The following TOM1L2 variants were observed in gnomAD, a reference collection of about 807,000 sequenced individuals.
TOM1L2 encodes target of myb1 like 2 membrane trafficking protein.
TOM1L2 carries 31 observed loss-of-function variants against 67.9 expected under a neutral mutation model. The ratio of observed to expected loss-of-function variants is 0.46; its 90% CI spans 0.34 to 0.62. The LOEUF (loss-of-function observed/expected upper bound fraction) is 0.62, where lower values mean the gene tolerates loss of function less well. TOM1L2 is among the 20% of genes least tolerant of loss of function. The pLI is 0.01. For synonymous variants in TOM1L2, 256 were observed against 254.0 expected (o/e 1.01, Z -0.07); for missense variants, 606 against 663.5 (o/e 0.91, Z 0.95).
Position 17,912,334 on chromosome 17 carries a change from T to TCCTCCGCC in TOM1L2, c.53-4804_53-4803insGGCGGAGG, listed in dbSNP as rs2039409393. Among the ~76,000 whole-genome samples, 7 of 150,816 alleles carry TCCTCCGCC rather than the reference T, an allele frequency of 4.6e-5. No individual in the cohort carries two copies. The South Asian group carries it at 1.5e-3, about 32-fold the overall frequency. ...CGGGGTGGCTGCCGGGCGGAGACGCTCCTCACTTCCCAGACGGGGTGGCTG... is the reference window on the plus strand; with the variant it reads ...CGGGGTGGCTGCCGGGCGGAGACGCTCCTCCGCCCCTCACTTCCCAGACGGGGTGGCTG... On this transcript the variant is annotated intron_variant, in intron 1 of 14. Transcript: ENST00000379504.
chr17:17,971,303 C>T (rs748695672), intron 1 of TOM1L2, among the ~76,000 whole-genome samples: 1 of 152,100 alleles, frequency 6.6e-6, no homozygotes, highest in Non-Finnish European at 1.5e-5. Context: ...AACTTCAAAC[C>T]AGAAAGGGCA....
chr17:17,935,504 G>A (rs963448211), intron 1 of TOM1L2, among the ~76,000 whole-genome samples: 1 of 152,186 alleles, frequency 6.6e-6, no homozygotes. Context: ...TAGACCTTGA[G>A]CTTGCCGAGC....
Position 17,866,547 on chromosome 17 carries a change from G to A in TOM1L2, c.961-128C>T. The A allele has an allele frequency of 2.4e-6, 3 of 1,261,238 alleles. No individual in the cohort carries two copies. In the South Asian group the frequency reaches 4.8e-5, roughly 20 times the overall value. 78.1% of individuals were successfully genotyped at this position (1,261,238 alleles called of 1,614,324 possible). ...CAGCGCTGCTCTAGTACAGAAGCAA[G>A]GCCACTTCCCCCACCTGCCTTCCAG... On this transcript the variant is annotated intron_variant, in intron 9 of 14. Transcript: ENST00000379504.
chr17:17,898,536 C>A, intron 3 of TOM1L2, 60 bp downstream of exon 3: 1 of 1,579,092 alleles, frequency 6.3e-7, no homozygotes, highest in Non-Finnish European at 8.7e-7. Context: ...GTGAGGGGGG[C>A]AAGGCCAGGA....
At chr17:17,913,772 G>T (rs924548653) in intron 1 of TOM1L2, among the ~76,000 whole-genome samples, 4 of 152,198 alleles carry the variant, frequency 2.6e-5, no homozygotes, top group African/African-American at 9.7e-5. Context: ...AGTATCATAA[G>T]AGGAAAGGAA....
At chr17:17,869,140 C>A in intron 8 of TOM1L2, 200 bp downstream of exon 8, 1 of 982,480 alleles carries the variant, frequency 1.0e-6, no homozygotes, top group Non-Finnish European at 1.4e-6. Context: ...CAACTTCCTG[C>A]TGCTTCTGCT....
chr17:17,905,430 T>C (rs925392932), intron 2 of TOM1L2, among the ~76,000 whole-genome samples: 2 of 152,256 alleles, frequency 1.3e-5, no homozygotes, highest in African/African-American at 4.8e-5. Context: ...TCCTGTCTTA[T>C]GTCAGCCAAT....
At chr17:17,881,244 G>A (rs1164235313) in intron 6 of TOM1L2, among the ~76,000 whole-genome samples, 1 of 152,072 alleles carries the variant, frequency 6.6e-6, no homozygotes, top group Non-Finnish European at 1.5e-5. Context: ...AGAGGTTTCT[G>A]GCTAGGAAGG....
At chr17:17,898,713 C>G in intron 2 of TOM1L2, 39 bp from the exon 3 acceptor site, 3 of 1,605,114 alleles carry the variant, frequency 1.9e-6, no homozygotes, top group Non-Finnish European at 2.6e-6. Context: ...ACTTACAATC[C>G]CACTTGAGGA....
chr17:17,969,859 TTCTCTC>T (rs10555800), intron 1 of TOM1L2, among the ~76,000 whole-genome samples: 4 of 150,130 alleles, frequency 2.7e-5, no homozygotes, highest in South Asian at 2.1e-4. Context: ...ATAGGAATCT[TTCTCTC>T]TCTCTCTCTC....
At chr17:17,918,201 T>C (rs2039708064) in intron 1 of TOM1L2, among the ~76,000 whole-genome samples, 1 of 152,178 alleles carries the variant, frequency 6.6e-6, no homozygotes, top group African/African-American at 2.4e-5. Context: ...ATGTTGATTT[T>C]GTATCCTGCA....
chr17:17,934,627 A>G lies in TOM1L2; in HGVS notation c.53-27096T>C, dbSNP rs557081705. ...TCTAAAATTTTTCTCCTAAAAATACATATTTATTTTGTAACAAGATTTATG... is the reference window on the plus strand; with the variant it reads ...TCTAAAATTTTTCTCCTAAAAATACGTATTTATTTTGTAACAAGATTTATG... On this transcript the variant is annotated intron_variant, in intron 1 of 14. Transcript: ENST00000379504. 2.6e-5 allele frequency among the ~76,000 whole-genome samples: 4 copies of G among 152,322 alleles called. No homozygotes were observed. The East Asian group carries it at 5.8e-4, about 22-fold the overall frequency.
chr17:17,942,686 A>G (rs1242642522), intron 1 of TOM1L2, among the ~76,000 whole-genome samples: 1 of 152,222 alleles, frequency 6.6e-6, no homozygotes, highest in Non-Finnish European at 1.5e-5. Flanking sequence ...CAGTGTTGGG[A>G]TGAGAATGTG....
chr17:17,943,564 G>A (rs1784598556), intron 1 of TOM1L2, among the ~76,000 whole-genome samples: 1 of 152,202 alleles, frequency 6.6e-6, no homozygotes, highest in African/African-American at 2.4e-5. Flanking sequence ...GGAAAGGGGA[G>A]CCCGAAGGCT....
chr17:17,957,783 G>C (rs1337827692), intron 1 of TOM1L2, among the ~76,000 whole-genome samples: 1 of 152,010 alleles, frequency 6.6e-6, no homozygotes, highest in Non-Finnish European at 1.5e-5. Flanking sequence ...GGTATGTACA[G>C]TCTCTTATGG....
chr17:17,907,404 T>A, intron 2 of TOM1L2, 43 bp downstream of exon 2: 1 of 1,595,984 alleles, frequency 6.3e-7, no homozygotes, highest in Non-Finnish European at 8.6e-7. Flanking sequence ...GAGTGGCCCC[T>A]AAAAGCTCAG....
chr17:17,887,833 C>G (rs1237133160), intron 4 of TOM1L2, among the ~76,000 whole-genome samples: 1 of 152,154 alleles, frequency 6.6e-6, no homozygotes, highest in Non-Finnish European at 1.5e-5. Flanking sequence ...AGAAGGCAGT[C>G]AGTCAACATT....
intron 1 of TOM1L2, among the ~76,000 whole-genome samples, chr17:17,912,365 C>A (rs1305105462): frequency 6.6e-6 from 1 of 151,192 alleles, no homozygotes; most frequent in Non-Finnish European, 1.5e-5. Flanking sequence ...GGCTGCCGGG[C>A]GGAGAGGCTC....
At chr17:17,854,422 C>G (rs995842485) in intron 12 of TOM1L2, among the ~76,000 whole-genome samples, 2 of 152,178 alleles carry the variant, frequency 1.3e-5, no homozygotes, top group African/African-American at 4.8e-5. Context: ...GTATCCTCAT[C>G]TGTCAGACTA....
Sources: gnomAD v4.1 joint callset for allele counts (sites outside exome capture counted in the v4.1 genomes callset) on GRCh38, gnomAD v4.1.1 for gene constraint, MANE v1.5 for transcripts, NCBI Gene and HGNC (gene_info 2026-07-23, HGNC 2026-07-21) for gene names.